The following FXYD4 variants were observed in gnomAD, a reference collection of about 807,000 sequenced individuals.
The protein encoded by FXYD4 is FXYD domain-containing ion transport regulator 4.
FXYD4 carries 14 observed loss-of-function variants against 18.3 expected under a neutral mutation model. That is an observed-to-expected ratio of 0.77 (90% CI 0.51 to 1.20). The LOEUF is 1.20. Ranked by LOEUF, FXYD4 falls within the 50% of genes most tolerant of loss-of-function variation. The pLI is 0.00. For synonymous variants in FXYD4, 40 were observed against 40.5 expected, an observed-to-expected ratio of 0.99 and a Z score of 0.04; for missense variants, 99 against 106.1, an observed-to-expected ratio of 0.93 and a Z score of 0.29.
chr10:43,376,120 T>G (rs781164836), intron 8 of FXYD4, 27 bp from the exon 9 acceptor site: 1 of 1,613,926 alleles, frequency 6.2e-7, no homozygotes, highest in Non-Finnish European at 8.5e-7. Context: ...GGACTGTGTC[T>G]GATGGCCTGC....
chr10:43,375,889 C>A, intron 7 of FXYD4, 143 bp from the exon 8 acceptor site: 1 of 1,214,082 alleles, frequency 8.2e-7, no homozygotes. Context: ...GTCAGGAAAG[C>A]TCTGACCTCG....
chr10:43,375,933 G>C (rs911263652), intron 7 of FXYD4, 99 bp from the exon 8 acceptor site: 4 of 1,353,348 alleles, frequency 3.0e-6, no homozygotes, highest in Non-Finnish European at 4.2e-6. Flanking sequence ...AGGAGAGCAA[G>C]GACTTGCACT....
intron 7 of FXYD4, 124 bp downstream of exon 7, chr10:43,375,858 A>G (rs1837865065): frequency 8.1e-7 from 1 of 1,238,296 alleles, no homozygotes; most frequent in Admixed American, 1.7e-5. Context: ...TTATTCAGAT[A>G]GTCAACCCTG....
In FXYD4 at chr10:43,373,644, C is replaced by A. The variant is rs892338417; in HGVS notation, c.-103C>A. The A allele has an allele frequency of 3.2e-5, 25 of 775,760 alleles. No homozygotes were observed. The highest frequency in any genetic ancestry group is 5.4e-5 in the Non-Finnish European group (23 of 423,076). 48.1% of individuals were successfully genotyped at this position (775,760 alleles called of 1,614,324 possible). Reference sequence around the variant, plus strand: ...GCTCTGCCTGCCCCCGCCCCTGCCTCCTCTCGCTGACCAATTGAGCTGTGA... The same window carrying A: ...GCTCTGCCTGCCCCCGCCCCTGCCTACTCTCGCTGACCAATTGAGCTGTGA... On this transcript the variant is annotated 5_prime_UTR_variant, in exon 3 of 9. Coordinates refer to ENST00000476166, the MANE Select transcript of FXYD4 (RefSeq NM_173160.3).
intron 2 of FXYD4, among the ~76,000 whole-genome samples, chr10:43,373,017 G>A (rs1837826860): frequency 6.6e-6 from 1 of 152,278 alleles, no homozygotes; most frequent in Non-Finnish European, 1.5e-5. Context: ...ACCACAGGAG[G>A]TCTATACTCT....
rs138933418 is a variant in FXYD4 at position 43,375,119 on chromosome 10, C to G, written c.98-380C>G. Reference sequence around the variant, plus strand: ...TCGGGTCACTGCAACCTCCATCTCCCGGGTTCAAGCAATTCTCCTGTCTCA... The same window carrying G: ...TCGGGTCACTGCAACCTCCATCTCCGGGGTTCAAGCAATTCTCCTGTCTCA... On this transcript the variant is annotated intron_variant, in intron 5 of 8. Transcript: ENST00000476166. Among the ~76,000 whole-genome samples, 53 of 150,940 alleles carry G rather than the reference C, an allele frequency of 3.5e-4. No individual in the cohort carries two copies. In the East Asian group the frequency reaches 9.4e-3, roughly 27 times the overall value.
Position 43,376,229 on chromosome 10 carries a change from T to G in FXYD4, c.*63T>G. ...CACTGGCCCCCAGCACCTCCTCCCCTGGGAGGCCTTATCCTCAAGGAAGGA... is the reference window on the plus strand; with the variant it reads ...CACTGGCCCCCAGCACCTCCTCCCCGGGGAGGCCTTATCCTCAAGGAAGGA... On this transcript the variant is annotated 3_prime_UTR_variant, in exon 9 of 9. Transcript: ENST00000476166. The G allele has an allele frequency of 1.3e-6, 2 of 1,555,328 alleles. No individual in the cohort carries two copies. The highest frequency in any genetic ancestry group is 1.8e-6 in the Non-Finnish European group (2 of 1,128,694).
intron 1 of FXYD4, among the ~76,000 whole-genome samples, chr10:43,372,230 C>G (rs563364727): frequency 5.8e-4 from 88 of 152,122 alleles, no homozygotes; most frequent in African/African-American, 2.0e-3. Context: ...CTAACAGTCT[C>G]TCCCTCCAGT....
intron 1 of FXYD4, among the ~76,000 whole-genome samples, chr10:43,371,981 G>A (rs577469630): frequency 6.6e-6 from 1 of 151,372 alleles, no homozygotes; most frequent in Non-Finnish European, 1.5e-5. Context: ...AGAGTTCAAG[G>A]CTGCAGTGAG....
chr10:43,375,737 G>A lies in FXYD4; in HGVS notation c.212+3G>A. On this transcript the variant is annotated splice_donor_region_variant and intron_variant, in intron 7 of 8. Transcript: ENST00000476166. ...AAGAGCAGCCAGAAGCAGCACAGGT[G>A]AGCCTGACCCTATGGTGCCCTCCTC... 6.2e-7 allele frequency: 1 copy of A among 1,614,054 alleles called. No homozygotes were observed. The highest frequency in any genetic ancestry group is 1.1e-5 in the South Asian group (1 of 91,086).
At chr10:43,373,119 A>G (rs986092313) in intron 2 of FXYD4, among the ~76,000 whole-genome samples, 3 of 152,018 alleles carry the variant, frequency 2.0e-5, no homozygotes, top group African/African-American at 7.2e-5. Flanking sequence ...CCCAGGACTC[A>G]GCACTCCCTC....
intron 1 of FXYD4, among the ~76,000 whole-genome samples, chr10:43,372,354 G>A (rs1424660480): frequency 5.9e-5 from 9 of 152,042 alleles, no homozygotes; most frequent in African/African-American, 1.4e-4. Flanking sequence ...CCAGGATCTC[G>A]GCTCACTGCA....
chr10:43,375,716 G>C lies in FXYD4; in HGVS notation c.194G>C (p.Ser65Thr). The C allele has an allele frequency of 6.2e-7, 1 of 1,614,172 alleles. No homozygotes were observed. The highest frequency in any genetic ancestry group is 8.5e-7 in the Non-Finnish European group (1 of 1,179,996). The change falls in exon 7 of 9, where the codon AGC (serine) becomes ACC (threonine). Residue 65 changes from serine (S) to threonine (T), a missense_variant. By Grantham distance (58) the Ser-to-Thr change is moderately conservative (BLOSUM62 1). Coordinates refer to ENST00000476166, the MANE Select transcript of FXYD4 (RefSeq NM_173160.3). The stretch of plus-strand genomic sequence containing the variant: ...CCAGGTGGCAAATGCAAATGCAAGA[G>C]CAGCCAGAAGCAGCACAGGTGAGCC... ...AVLSGKCKCK[S>T]SQKQHSPVPE...
At chr10:43,372,159 C>T (rs1474012719) in intron 1 of FXYD4, among the ~76,000 whole-genome samples, 1 of 152,098 alleles carries the variant, frequency 6.6e-6, no homozygotes, top group Non-Finnish European at 1.5e-5. Flanking sequence ...CCAGTGAAGG[C>T]TGGGGGAAGC....
Position 43,374,299 on chromosome 10 carries a change from G to A in FXYD4, c.38-171G>A, listed in dbSNP as rs546469817. On this transcript the variant is annotated intron_variant, in intron 3 of 8. Coordinates refer to ENST00000476166, the MANE Select transcript of FXYD4 (RefSeq NM_173160.3). The stretch of plus-strand genomic sequence containing the variant: ...AGCATCAGGAAGCCTGGGACAGCAG[G>A]GCTTGGGCGGGGCCACACCCTGAGG... 5.8e-4 allele frequency among the ~76,000 whole-genome samples: 89 copies of A among 152,316 alleles called. 1 individual carries two copies. Among genetic ancestry groups the A allele is most frequent in the Non-Finnish European group, 9.9e-4 (67 of 68,020 alleles).
chr10:43,376,235 G>C lies in FXYD4; in HGVS notation c.*69G>C, dbSNP rs967688711. 2.6e-6 allele frequency: 4 copies of C among 1,558,406 alleles called. No homozygotes were observed. The highest frequency in any genetic ancestry group is 3.4e-5 in the Admixed American group (2 of 59,688). On this transcript the variant is annotated 3_prime_UTR_variant, in exon 9 of 9. Transcript: ENST00000476166. Reference sequence around the variant, plus strand: ...CCCCCAGCACCTCCTCCCCTGGGAGGCCTTATCCTCAAGGAAGGACTTCTC... The same window carrying C: ...CCCCCAGCACCTCCTCCCCTGGGAGCCCTTATCCTCAAGGAAGGACTTCTC...
chr10:43,375,843 C>A, intron 7 of FXYD4, 109 bp downstream of exon 7: 3 of 1,303,796 alleles, frequency 2.3e-6, no homozygotes, highest in Non-Finnish European at 2.2e-6. Flanking sequence ...TTGCAGCTGG[C>A]TTTGTTATTC....
chr10:43,373,701 C>A lies in FXYD4; in HGVS notation c.-46C>A, dbSNP rs77710270. ...AGCAGATCCGTGGGCTGCAGACCCC[C>A]GCCCCAGTGCCTCTCCCCCTGCAGC... On this transcript the variant is annotated 5_prime_UTR_variant, in exon 3 of 9. Coordinates refer to ENST00000476166, the MANE Select transcript of FXYD4 (RefSeq NM_173160.3). 5 of 1,196,462 alleles carry A rather than the reference C, an allele frequency of 4.2e-6. No homozygotes were observed. The highest frequency in any genetic ancestry group is 6.3e-6 in the Non-Finnish European group (5 of 798,862). 74.1% of individuals were successfully genotyped at this position (1,196,462 alleles called of 1,614,324 possible). A position where few individuals can be genotyped will look rare whatever the true frequency, so the allele number is the denominator to read the frequency against.
At chr10:43,375,012 T>C (rs1020205918) in intron 5 of FXYD4, among the ~76,000 whole-genome samples, 24 of 148,460 alleles carry the variant, frequency 1.6e-4, no homozygotes, top group Non-Finnish European at 2.8e-4. Context: ...TCTTTGCGCA[T>C]GTCCACTTCT....
Sources: gnomAD v4.1 joint callset for allele counts (sites outside exome capture counted in the v4.1 genomes callset) on GRCh38, gnomAD v4.1.1 for gene constraint, MANE v1.5 for transcripts, NCBI Gene and HGNC (gene_info 2026-07-23, HGNC 2026-07-21) for gene names.